Variants in GRWD1 observed in about 807,000 individuals in gnomAD.
The protein encoded by GRWD1 is glutamate rich WD repeat containing 1.
A neutral mutation model predicts 45.3 loss-of-function variants in GRWD1; 29 were observed. The ratio of observed to expected loss-of-function variants is 0.64; its 90% CI spans 0.48 to 0.87. The LOEUF is 0.87. Ranked by LOEUF, GRWD1 falls within the 40% of genes least tolerant of loss-of-function variation. The pLI is 0.00. For missense variants in GRWD1, 592 were observed against 618.8 expected, an observed-to-expected ratio of 0.96 and a Z score of 0.46; for synonymous variants, 262 against 257.6, an observed-to-expected ratio of 1.02 and a Z score of -0.16.
chr19:48,452,837 G>C lies in GRWD1; in HGVS notation c.1153G>C (p.Val385Leu), dbSNP rs1423100966. The change falls in exon 7 of 7, where the codon GTG becomes CTG. Residue 385 changes from valine to leucine, a missense_variant. By Grantham distance (32) the Val-to-Leu change is conservative. Transcript: ENST00000253237. The surrounding 1 kb of genome is among the most constrained non-coding windows in gnomAD (Gnocchi z 5.1). Reference protein sequence around the residue: ...DHQITQWDLAVERDPEAGDVE... With the variant: ...DHQITQWDLALERDPEAGDVE... The stretch of plus-strand genomic sequence containing the variant: ...CCAGATCACACAGTGGGACCTGGCA[G>C]TGGAGCGGGACCCTGAGGCGGGCGA... The C allele has an allele frequency of 6.2e-7, 1 of 1,613,696 alleles. No homozygotes were observed. The highest frequency in any genetic ancestry group is 1.1e-5 in the South Asian group (1 of 91,056).
chr19:48,451,060 C>T lies in GRWD1; in HGVS notation c.852C>T (p.Ala284=). 2 of 1,614,010 alleles carry T rather than the reference C, an allele frequency of 1.2e-6. No individual in the cohort carries two copies. The highest frequency in any genetic ancestry group is 1.7e-6 in the Non-Finnish European group (2 of 1,179,986). The part of the protein sequence containing the change: ...NTVFASCSAD[A]SIRIWDIRAA... ...TGTTTGCCTCCTGCTCAGCTGACGC[C>T]TCCATCCGCATCTGGGACATCCGGG... is the stretch of plus-strand genomic sequence containing the variant. The change falls in exon 6 of 7, where the codon GCC becomes GCT. Residue 284 remains alanine, a synonymous_variant. Coordinates refer to ENST00000253237, the MANE Select transcript of GRWD1 (RefSeq NM_031485.4).
chr19:48,452,878 C>T lies in GRWD1; in HGVS notation c.1194C>T (p.Pro398=), dbSNP rs759264780. The T allele has an allele frequency of 1.3e-5, 21 of 1,612,284 alleles. No homozygotes were observed. Among genetic ancestry groups the T allele is most frequent in the East Asian group, 4.5e-5 (2 of 44,866 alleles). Reference sequence around the variant, plus strand: ...AGGCGGGCGACGTGGAGGCCGACCCCGGACTGGCCGACCTCCCGCAGCAGC... The same window carrying T: ...AGGCGGGCGACGTGGAGGCCGACCCTGGACTGGCCGACCTCCCGCAGCAGC... ...DPEAGDVEAD[P]GLADLPQQLL... is the part of the protein sequence containing the mutation. The change falls in exon 7 of 7, where the codon CCC becomes CCT. Residue 398 remains proline (P), a synonymous_variant. Coordinates refer to ENST00000253237, the MANE Select transcript of GRWD1 (RefSeq NM_031485.4). The surrounding 1 kb of genome is among the most constrained non-coding windows in gnomAD (Gnocchi z 5.1).
chr19:48,448,665 C>G (rs991666100), intron 3 of GRWD1, among the ~76,000 whole-genome samples: 1 of 152,142 alleles, frequency 6.6e-6, no homozygotes, highest in South Asian at 2.1e-4. Flanking sequence ...GGTAGTGGGG[C>G]AGTGAACCCT....
rs1025348683 is a variant in GRWD1 at position 48,451,029 on chromosome 19, C to T, written c.826-5C>T. 1.2e-6 allele frequency: 2 copies of T among 1,612,156 alleles called. No homozygotes were observed. The highest frequency in any genetic ancestry group is 1.7e-5 in the Admixed American group (1 of 59,894). ...TTGGGACCACTCAGACTCCGCCTCC[C>T]CCAGGTGTTTGCCTCCTGCTCAGCT... On this transcript the variant is annotated splice_region_variant and splice_polypyrimidine_tract_variant and intron_variant, in intron 5 of 6. Coordinates refer to ENST00000253237, the MANE Select transcript of GRWD1 (RefSeq NM_031485.4).
In GRWD1 at chr19:48,450,365, A is replaced by T. The variant is rs1971456649; in HGVS notation, c.521A>T (p.Gln174Leu). ...GCTGGGGTGTGGTCAGAGAAGGGCC[A>T]GGTGGAGGTGTTTGCGCTGCGGCGG... ...PVAGVWSEKG[Q>L]VEVFALRRLL... Residue 174 changes from glutamine to leucine, a missense_variant, in exon 4 of 7, where the codon CAG (glutamine) becomes CTG (leucine). Coordinates refer to ENST00000253237, the MANE Select transcript of GRWD1 (RefSeq NM_031485.4). The surrounding 1 kb of genome is among the most constrained non-coding windows in gnomAD (Gnocchi z 5.1). 6.2e-7 allele frequency: 1 copy of T among 1,613,360 alleles called. No homozygotes were observed. Among genetic ancestry groups the T allele is most frequent in the Non-Finnish European group, 8.5e-7 (1 of 1,179,890 alleles).
chr19:48,446,985 G>GGA (rs1971414900), intron 3 of GRWD1, 142 bp downstream of exon 3: 2 of 763,934 alleles, frequency 2.6e-6, no homozygotes, highest in Non-Finnish European at 3.9e-6. Context: ...CACCCAGGCT[G>GGA]GAGTGCAGTG....
rs143353939 is a variant in GRWD1, at chr19:48,452,929, C to T, written c.1245C>T (p.Thr415=). Residue 415 remains threonine (T), a synonymous_variant, in exon 7 of 7, where the codon ACC becomes ACT. Coordinates refer to ENST00000253237, the MANE Select transcript of GRWD1 (RefSeq NM_031485.4). The surrounding 1 kb of genome is among the most constrained non-coding windows in gnomAD (Gnocchi z 5.1). The part of the protein sequence containing the change: ...QQLLFVHQGE[T]ELKELHWHPQ... ...TGCTGTTCGTGCACCAGGGCGAGACCGAGCTGAAGGAGCTGCACTGGCACC... is the reference window on the plus strand; with the variant it reads ...TGCTGTTCGTGCACCAGGGCGAGACTGAGCTGAAGGAGCTGCACTGGCACC... 6.8e-6 allele frequency: 11 copies of T among 1,612,090 alleles called. No homozygotes were observed. The highest frequency in any genetic ancestry group is 9.3e-6 in the Non-Finnish European group (11 of 1,179,842).
chr19:48,449,082 G>A (rs1271238789), intron 3 of GRWD1, among the ~76,000 whole-genome samples: 1 of 152,094 alleles, frequency 6.6e-6, no homozygotes, highest in Non-Finnish European at 1.5e-5. Context: ...CATGAGAAGG[G>A]GGTTGGAAGT....
At chr19:48,449,006 C>T (rs1325571235) in intron 3 of GRWD1, among the ~76,000 whole-genome samples, 1 of 152,108 alleles carries the variant, frequency 6.6e-6, no homozygotes, top group Non-Finnish European at 1.5e-5. Context: ...GGAAAGAATC[C>T]TGTGGGGAGA....
chr19:48,450,321 G>A lies in GRWD1; in HGVS notation c.477G>A (p.Trp159Ter), dbSNP rs745913359. 1 of 1,611,404 alleles carries A rather than the reference G, an allele frequency of 6.2e-7. No homozygotes were observed. Among genetic ancestry groups the A allele is most frequent in the Non-Finnish European group, 8.5e-7 (1 of 1,179,398 alleles). Residue 159 changes from tryptophan to a stop codon, truncating the protein, a stop_gained, in exon 4 of 7, where the codon TGG (tryptophan) becomes TGA (stop). Coordinates refer to ENST00000253237, the MANE Select transcript of GRWD1 (RefSeq NM_031485.4). LOFTEE classifies it high-confidence loss of function. The surrounding 1 kb of genome is among the most constrained non-coding windows in gnomAD (Gnocchi z 5.1). ...YGGINRVRVSWLGEEPVAGVW... is the reference protein window; with the variant it reads ...YGGINRVRVS ...CCACCGCTCTTCTGCAGGTGTCATGGCTGGGTGAAGAGCCTGTGGCTGGGG... is the reference window on the plus strand; with the variant it reads ...CCACCGCTCTTCTGCAGGTGTCATGACTGGGTGAAGAGCCTGTGGCTGGGG...
At position 48,450,679 on chromosome 19, in the gene GRWD1, C is replaced by G. The variant is rs770126608; in HGVS notation, c.696C>G (p.Thr232=). ...WSPRVTGRLL[T]GDCQKNIHLW... ...TCCCTTCCCCAGGTCGCCTGCTGAC[C>G]GGTGACTGTCAAAAGAACATCCACC... Residue 232 remains threonine (T), a synonymous_variant, in exon 5 of 7, where the codon ACC becomes ACG. Coordinates refer to ENST00000253237, the MANE Select transcript of GRWD1 (RefSeq NM_031485.4). The surrounding 1 kb of genome is among the most constrained non-coding windows in gnomAD (Gnocchi z 5.1). 1.2e-6 allele frequency: 2 copies of G among 1,613,830 alleles called. No individual in the cohort carries two copies. Among genetic ancestry groups the G allele is most frequent in the South Asian group, 1.1e-5 (1 of 91,066 alleles).
chr19:48,453,378 C>T lies in GRWD1; in HGVS notation c.*353C>T, dbSNP rs1387132976. Reference sequence around the variant, plus strand: ...TTTGAGACGGAGTCTTGGTCTGTCGCCCAGGCTGGAGTGCAGTAGCACGAT... The same window carrying T: ...TTTGAGACGGAGTCTTGGTCTGTCGTCCAGGCTGGAGTGCAGTAGCACGAT... On this transcript the variant is annotated 3_prime_UTR_variant, in exon 7 of 7. Transcript: ENST00000253237. 1.5e-5 allele frequency: 3 copies of T among 194,950 alleles called. No individual in the cohort carries two copies. The highest frequency in any genetic ancestry group is 4.7e-5 in the African/African-American group (2 of 42,932). 12.1% of individuals were successfully genotyped at this position (194,950 alleles called of 1,614,324 possible).
In GRWD1 at chr19:48,450,991, G is replaced by A. The variant is rs537235303; in HGVS notation, c.826-43G>A. ...ACCGCTGGCGCTTGGGCTTCACTGCGGGCTGGGGGGCATTGGGACCACTCA... is the reference window on the plus strand; with the variant it reads ...ACCGCTGGCGCTTGGGCTTCACTGCAGGCTGGGGGGCATTGGGACCACTCA... On this transcript the variant is annotated intron_variant, in intron 5 of 6. Coordinates refer to ENST00000253237, the MANE Select transcript of GRWD1 (RefSeq NM_031485.4). The surrounding 1 kb of genome is among the most constrained non-coding windows in gnomAD (Gnocchi z 5.1). 3.8e-6 allele frequency: 6 copies of A among 1,585,980 alleles called. No individual in the cohort carries two copies. In the African/African-American group the frequency reaches 5.4e-5, roughly 14 times the overall value.
chr19:48,446,661 C>A lies in GRWD1; in HGVS notation c.306-20C>A. The A allele has an allele frequency of 6.4e-7, 1 of 1,568,428 alleles. No individual in the cohort carries two copies. Among genetic ancestry groups the A allele is most frequent in the South Asian group, 1.2e-5 (1 of 86,530 alleles). On this transcript the variant is annotated intron_variant, in intron 2 of 6. Transcript: ENST00000253237. ...GAATCCTGGAATCTAGTGCCTAACT[C>A]ACCCCACAATTTCTCCCAGACTGAT...
rs1466147133 is a variant in GRWD1, at chr19:48,452,695, C to G, written c.1024-13C>G. On this transcript the variant is annotated splice_polypyrimidine_tract_variant and intron_variant, in intron 6 of 6. Transcript: ENST00000253237. The surrounding 1 kb of genome is among the most constrained non-coding windows in gnomAD (Gnocchi z 5.1). ...GGCATTCAGAGCCCGTTCCTCCCAT[C>G]CTCTCCCTCTAGTCTGGTTCCCCAG... 63 of 1,545,706 alleles carry G rather than the reference C, an allele frequency of 4.1e-5. No individual in the cohort carries two copies. The highest frequency in any genetic ancestry group is 5.4e-5 in the Non-Finnish European group (62 of 1,139,032).
In GRWD1 at chr19:48,450,331, G is replaced by A; in HGVS notation, c.487G>A (p.Glu163Lys). The change falls in exon 4 of 7, where the codon GAG becomes AAG. Residue 163 changes from glutamate (E) to lysine (K), a missense_variant. Coordinates refer to ENST00000253237, the MANE Select transcript of GRWD1 (RefSeq NM_031485.4). This position sits in a 1 kb window ranked among gnomAD's most constrained non-coding sequence, Gnocchi z 5.1. ...NRVRVSWLGEEPVAGVWSEKG... is the reference protein window; with the variant it reads ...NRVRVSWLGEKPVAGVWSEKG... ...TCTGCAGGTGTCATGGCTGGGTGAA[G>A]AGCCTGTGGCTGGGGTGTGGTCAGA... 6.2e-7 allele frequency: 1 copy of A among 1,612,350 alleles called. No homozygotes were observed. Among genetic ancestry groups the A allele is most frequent in the Non-Finnish European group, 8.5e-7 (1 of 1,179,680 alleles).
At position 48,450,212 on chromosome 19, in the gene GRWD1, G is replaced by A. The variant is rs1971454710; in HGVS notation, c.469-101G>A. On this transcript the variant is annotated intron_variant, in intron 3 of 6. Coordinates refer to ENST00000253237, the MANE Select transcript of GRWD1 (RefSeq NM_031485.4). The surrounding 1 kb of genome is among the most constrained non-coding windows in gnomAD (Gnocchi z 5.1). Reference sequence around the variant, plus strand: ...TCCCAGGCCTGGGAGATCTGAGGAAGCGCACTTCTGGTTCTCTGGGATATG... The same window carrying A: ...TCCCAGGCCTGGGAGATCTGAGGAAACGCACTTCTGGTTCTCTGGGATATG... 3.4e-6 allele frequency: 3 copies of A among 885,814 alleles called. No homozygotes were observed. The East Asian group carries it at 8.0e-5, about 23-fold the overall frequency. The allele number at this position is 885,814 out of a possible 1,614,324, so 54.9% of individuals were successfully genotyped here.
intron 3 of GRWD1, among the ~76,000 whole-genome samples, chr19:48,448,187 G>T (rs555843378): frequency 3.8e-4 from 58 of 152,284 alleles, no homozygotes; most frequent in South Asian, 4.1e-4. Context: ...CTGAGCTCAA[G>T]TGATCTGCCC....
intron 5 of GRWD1, 30 bp from the exon 6 acceptor site, chr19:48,451,004 T>C (rs1569079333): frequency 1.2e-5 from 20 of 1,600,228 alleles, no homozygotes; most frequent in South Asian, 2.2e-5. Context: ...CTGGGGGGCA[T>C]TGGGACCACT....
Sources: gnomAD v4.1 joint callset for allele counts (sites outside exome capture counted in the v4.1 genomes callset) on GRCh38, gnomAD v4.1.1 for gene constraint, Gnocchi (gnomAD v3.1) non-coding constraint, MANE v1.5 for transcripts, NCBI Gene and HGNC (gene_info 2026-07-23, HGNC 2026-07-21) for gene names.